RYR3: variants seen among roughly 807,000 people sequenced by gnomAD.
The protein encoded by RYR3 is ryanodine receptor 3.
RYR3 carries 207 observed loss-of-function variants against 584.3 expected under a neutral mutation model. The ratio of observed to expected loss-of-function variants is 0.35; its 90% confidence interval spans 0.32 to 0.40. The LOEUF (loss-of-function observed/expected upper bound fraction) is 0.40, where lower values mean the gene tolerates loss of function less well. RYR3 is among the 10% of genes least tolerant of loss of function. The probability of loss-of-function intolerance (pLI) is 1.00; values close to 1 mark genes in which losing one functional copy is unlikely to be tolerated. For missense variants in RYR3, 5,616 were observed against 6,089.2 expected (o/e 0.92, Z 2.59); for synonymous variants, 2,416 against 2,248.5 (o/e 1.07, Z -2.11).
At chr15:33,334,502 C>A (rs979559774) in intron 1 of RYR3, among the ~76,000 whole-genome samples, 2 of 152,152 alleles carry the variant, frequency 1.3e-5, no homozygotes, top group African/African-American at 4.8e-5. Context: ...AACCTGGACT[C>A]CTTCCTTACA....
chr15:33,855,753 ATAT>A (rs2079588993), intron 98 of RYR3: 2 of 152,228 alleles, frequency 1.3e-5, no homozygotes, highest in South Asian at 4.1e-4. Flanking sequence ...TAGTTAATAC[ATAT>A]TATATAGTTA....
At chr15:33,346,704 C>G (rs771774342) in intron 1 of RYR3, among the ~76,000 whole-genome samples, 10 of 152,184 alleles carry the variant, frequency 6.6e-5, no homozygotes, top group South Asian at 6.2e-4. Context: ...AAGGTTTTCC[C>G]CTGAACTTTG....
chr15:33,675,988 A>G (rs2064151443), intron 38 of RYR3, among the ~76,000 whole-genome samples: 1 of 151,936 alleles, frequency 6.6e-6, no homozygotes, highest in Admixed American at 6.6e-5. Flanking sequence ...TTGCCCCCCA[A>G]AGATGTTCAC....
intron 32 of RYR3, among the ~76,000 whole-genome samples, chr15:33,657,471 C>T (rs990374971): frequency 6.6e-6 from 1 of 152,212 alleles, no homozygotes; most frequent in Non-Finnish European, 1.5e-5. Flanking sequence ...GACTTGAGGC[C>T]TACAAGTTGT....
At position 33,660,615 on chromosome 15, in the gene RYR3, A is replaced by G. The variant is rs1322866493; in HGVS notation, c.4622+192A>G. On this transcript the variant is annotated intron_variant, in intron 34 of 103. Coordinates refer to ENST00000634891, the MANE Select transcript of RYR3 (RefSeq NM_001036.6). ...CAGAAACAGCAGGAAACACACTAGG[A>G]GGTGCCTGCCACAGGGCCTTTGTTG... Among the ~76,000 whole-genome samples the G allele has an allele frequency of 3.3e-5, 5 of 152,334 alleles. No homozygotes were observed. The East Asian group carries it at 9.6e-4, about 29-fold the overall frequency.
At chr15:33,654,884 G>C (rs1495283) in intron 32 of RYR3, among the ~76,000 whole-genome samples, 50,967 of 152,200 alleles carry the variant, frequency 0.33, 10,074 homozygotes, top group Non-Finnish European at 0.45. Context: ...AAAGCCTCTT[G>C]GCAGCCAGTT....
chr15:33,571,602 A>G lies in RYR3; in HGVS notation c.1268+4803A>G, dbSNP rs528724624. On this transcript the variant is annotated intron_variant, in intron 12 of 103. Coordinates refer to ENST00000634891, the MANE Select transcript of RYR3 (RefSeq NM_001036.6). ...TGTCTTAAGTCTACTTCATAGAGCC[A>G]TTCCAGGTGTCTTGAATGTGCAGAT... 1.4e-4 allele frequency among the ~76,000 whole-genome samples: 21 copies of G among 152,286 alleles called. No individual in the cohort carries two copies. The South Asian group carries it at 1.7e-3, about 12-fold the overall frequency.
At chr15:33,500,843 T>G (rs2051916281) in intron 2 of RYR3, among the ~76,000 whole-genome samples, 1 of 152,162 alleles carries the variant, frequency 6.6e-6, no homozygotes, top group Non-Finnish European at 1.5e-5. Context: ...GGAGTTTAAT[T>G]AAGGATGGCA....
intron 19 of RYR3, among the ~76,000 whole-genome samples, chr15:33,619,615 A>G (rs1324554921): frequency 1.3e-5 from 2 of 152,242 alleles, no homozygotes. Context: ...TTTAGGAACA[A>G]GAACAATTTT....
chr15:33,332,636 C>T (rs1228729239), intron 1 of RYR3, among the ~76,000 whole-genome samples: 3 of 151,734 alleles, frequency 2.0e-5, no homozygotes, highest in African/African-American at 7.3e-5. Flanking sequence ...AAATCAGTTA[C>T]AACAAAGATA....
At chr15:33,662,060 C>A in intron 34 of RYR3, 93 bp from the exon 35 acceptor site, 1 of 1,081,304 alleles carries the variant, frequency 9.2e-7, no homozygotes, top group Non-Finnish European at 1.3e-6. Context: ...TCCAACCTTC[C>A]ACCCACCCTG....
Position 33,623,959 on chromosome 15 carries a change from T to A in RYR3, c.2510T>A (p.Leu837His), listed in dbSNP as rs754665015. Residue 837 changes from leucine to histidine, a missense_variant, in exon 20 of 104, where the codon CTC becomes CAC. Physicochemically the swap from Leu to His is moderately conservative, Grantham distance 99 (BLOSUM62 -3). Transcript: ENST00000634891. ...CGTGATGCTGATGGCATTAGAGATC[T>A]CTTGGGTACCACCCAGTTCCTCTCC... Reference protein sequence around the residue: ...YKRDADGIRDLLGTTQFLSQA... With the variant: ...YKRDADGIRDHLGTTQFLSQA... 3 of 1,614,040 alleles carry A rather than the reference T, an allele frequency of 1.9e-6. No homozygotes were observed. The East Asian group carries it at 6.7e-5, about 36-fold the overall frequency.
chr15:33,837,190 A>G (rs11856801), intron 88 of RYR3, among the ~76,000 whole-genome samples: 167 of 152,298 alleles, frequency 1.1e-3, no homozygotes, highest in African/African-American at 3.7e-3. Context: ...TTTTCTATCA[A>G]TAGGAAAGCC....
chr15:33,539,852 A>C (rs1167313708), intron 6 of RYR3, among the ~76,000 whole-genome samples: 6 of 152,154 alleles, frequency 3.9e-5, no homozygotes, highest in Non-Finnish European at 8.8e-5. Flanking sequence ...TATTAAGTAG[A>C]AGTAGATCAT....
chr15:33,395,876 T>C (rs2141323322), intron 1 of RYR3, among the ~76,000 whole-genome samples: 1 of 152,308 alleles, frequency 6.6e-6, no homozygotes, highest in Non-Finnish European at 1.5e-5. Flanking sequence ...CTCAAGTCCT[T>C]TACATAAAAT....
intron 1 of RYR3, among the ~76,000 whole-genome samples, chr15:33,346,352 T>G (rs17817102): frequency 0.087 from 13,264 of 152,262 alleles, 757 homozygotes; most frequent in Middle Eastern, 0.16. Flanking sequence ...CCTCAGTGGT[T>G]TCAAAGCAGT....
At chr15:33,476,751 A>G (rs1034740395) in intron 2 of RYR3, among the ~76,000 whole-genome samples, 6 of 152,202 alleles carry the variant, frequency 3.9e-5, no homozygotes, top group African/African-American at 1.4e-4. Context: ...CAGTTGACAT[A>G]CCCACCATCC....
chr15:33,840,954 G>A lies in RYR3; in HGVS notation c.13037+71G>A, dbSNP rs961472715. 9.2e-5 allele frequency: 129 copies of A among 1,396,768 alleles called. 1 individual carries two copies. The highest frequency in any genetic ancestry group is 7.2e-4 in the Middle Eastern group (4 of 5,548). The allele number at this position is 1,396,768 out of a possible 1,614,324, so 86.5% of individuals were successfully genotyped here. ...ATTCTTAGGCCAGGCAGAGTGGCTC[G>A]CACCTGTAATCCCAGCACTTTGAGA... On this transcript the variant is annotated intron_variant, in intron 90 of 103. Coordinates refer to ENST00000634891, the MANE Select transcript of RYR3 (RefSeq NM_001036.6).
intron 49 of RYR3, among the ~76,000 whole-genome samples, chr15:33,736,883 G>A (rs2069522641): frequency 6.6e-6 from 1 of 151,924 alleles, no homozygotes; most frequent in Non-Finnish European, 1.5e-5. Context: ...TGAGTAGCTG[G>A]GACTAGAGGC....
Sources: allele counts gnomAD v4.1 joint callset (sites outside exome capture counted in the v4.1 genomes callset), GRCh38; gene constraint gnomAD v4.1.1; transcripts MANE v1.5; gene names NCBI Gene and HGNC (gene_info 2026-07-23, HGNC 2026-07-21).